Variants in STK33 observed in about 807,000 individuals in gnomAD.
The protein encoded by STK33 is serine/threonine-protein kinase 33.
A neutral mutation model predicts 58.0 loss-of-function variants in STK33; 52 were observed. The observed-to-expected ratio is 0.90, with a 90% CI of 0.72 to 1.13. STK33 has a LOEUF of 1.13. STK33 is among the 50% of genes most tolerant of loss of function. The probability of loss-of-function intolerance (pLI) is 0.00; values close to 1 mark genes in which losing one functional copy is unlikely to be tolerated. For synonymous variants in STK33, 215 were observed against 200.1 expected (o/e 1.07, Z -0.63); for missense variants, 630 against 604.2 (o/e 1.04, Z -0.45).
chr11:8,518,004 C>T (rs537768997), intron 1 of STK33, among the ~76,000 whole-genome samples: 252 of 152,180 alleles, frequency 1.7e-3, no homozygotes, highest in African/African-American at 5.2e-3. Context: ...CATAAAGATA[C>T]TCCTTGAGAA....
chr11:8,428,188 G>T (rs1405600503), intron 14 of STK33, among the ~76,000 whole-genome samples: 1 of 152,202 alleles, frequency 6.6e-6, no homozygotes, highest in Non-Finnish European at 1.5e-5. Flanking sequence ...AGGCCAAGAG[G>T]TAAGAAGTCA....
intron 1 of STK33, among the ~76,000 whole-genome samples, chr11:8,512,424 A>C (rs1952411303): frequency 6.6e-6 from 1 of 152,194 alleles, no homozygotes; most frequent in Non-Finnish European, 1.5e-5. Context: ...CTACTGGCTC[A>C]AAGAAGGGAG....
chr11:8,446,017 T>C (rs1290172968), intron 11 of STK33, among the ~76,000 whole-genome samples: 9 of 152,106 alleles, frequency 5.9e-5, no homozygotes, highest in African/African-American at 2.2e-4. Flanking sequence ...CTGGGCTTTT[T>C]TTGGTTGGTA....
chr11:8,426,962 A>C (rs915401184), intron 14 of STK33, among the ~76,000 whole-genome samples: 7 of 151,986 alleles, frequency 4.6e-5, no homozygotes, highest in African/African-American at 1.7e-4. Flanking sequence ...CCTCATGTGG[A>C]TATTATCATG....
chr11:8,496,118 G>C (rs1951040225), intron 1 of STK33, among the ~76,000 whole-genome samples: 1 of 148,870 alleles, frequency 6.7e-6, no homozygotes, highest in Non-Finnish European at 1.5e-5. Context: ...TTTTGAAAAA[G>C]AAAAGAAAAA....
intron 1 of STK33, among the ~76,000 whole-genome samples, chr11:8,505,297 A>G (rs2139258694): frequency 6.6e-6 from 1 of 152,314 alleles, no homozygotes; most frequent in Non-Finnish European, 1.5e-5. Context: ...TTAAAAATTG[A>G]TATTTTTCAT....
At chr11:8,397,130 G>A (rs918376385) in intron 15 of STK33, among the ~76,000 whole-genome samples, 3 of 152,210 alleles carry the variant, frequency 2.0e-5, no homozygotes, top group Non-Finnish European at 4.4e-5. Context: ...CTCCCAGCAC[G>A]CAGCTGGACA....
the STK33 span, among the ~76,000 whole-genome samples, chr11:8,336,828 G>A: frequency 6.6e-5 from 10 of 152,250 alleles, no homozygotes; most frequent in African/African-American, 1.9e-4. Flanking sequence ...TGTGGGGCCC[G>A]CGGGCTGCAA....
At chr11:8,584,715 G>A (rs2031164661) in intron 1 of STK33, among the ~76,000 whole-genome samples, 2 of 152,086 alleles carry the variant, frequency 1.3e-5, no homozygotes, top group Admixed American at 1.3e-4. Context: ...GGTCTTTTCT[G>A]TTACCAAGTG....
chr11:8,404,180 C>T (rs1402920398), intron 15 of STK33, among the ~76,000 whole-genome samples: 2 of 152,188 alleles, frequency 1.3e-5, no homozygotes, highest in South Asian at 2.1e-4. Context: ...AATATATAGA[C>T]TTCTAAGGTT....
At chr11:8,534,564 CTCTCTGTGTGTGTGTGTGTG>C in intron 1 of STK33, among the ~76,000 whole-genome samples, 1 of 118,480 alleles carries the variant, frequency 8.4e-6, no homozygotes, top group African/African-American at 3.8e-5. Context: ...CTCTCTCTCT[CTCTCTGTGTGTGTGTGTGTG>C]TGTGTGTGTG....
At chr11:8,591,122 G>GA (rs2032527383) in intron 1 of STK33, among the ~76,000 whole-genome samples, 1 of 152,184 alleles carries the variant, frequency 6.6e-6, no homozygotes, top group African/African-American at 2.4e-5. Flanking sequence ...GTCAATGGTT[G>GA]AAACAGCCAT....
intron 14 of STK33, among the ~76,000 whole-genome samples, chr11:8,418,280 C>A (rs1941412842): frequency 6.6e-6 from 1 of 151,620 alleles, no homozygotes; most frequent in Non-Finnish European, 1.5e-5. Flanking sequence ...TCTGTTGTTC[C>A]CCTCTTTGTG....
Position 8,452,924 on chromosome 11 carries a change from A to G in STK33, c.787-18T>C, listed in dbSNP as rs1208382034. 6.2e-7 allele frequency: 1 copy of G among 1,608,280 alleles called. No individual in the cohort carries two copies. The highest frequency in any genetic ancestry group is 8.5e-7 in the Non-Finnish European group (1 of 1,174,890). ...TCAGTCACCTGGGAGAAGAAATTCA[A>G]GCACAGTCACCTGTTTTCCTGTCCT... On this transcript the variant is annotated intron_variant, in intron 10 of 15. Coordinates refer to ENST00000687296, the MANE Select transcript of STK33 (RefSeq NM_001352389.2).
At chr11:8,450,313 ACCAAACACT>A in intron 11 of STK33, among the ~76,000 whole-genome samples, 1 of 152,090 alleles carries the variant, frequency 6.6e-6, no homozygotes, top group Admixed American at 6.5e-5. Context: ...GGAACATAAA[ACCAAACACT>A]CCATGTTCTC....
In STK33 at chr11:8,523,540, G is replaced by A. The variant is rs570492907; in HGVS notation, c.-465-42926C>T. 3.5e-3 allele frequency among the ~76,000 whole-genome samples: 531 copies of A among 151,888 alleles called. 3 individuals are homozygous for A. The highest frequency in any genetic ancestry group is 0.012 in the African/African-American group (503 of 41,380). ...TGGGCAGCCGCCCCGTCTGGGAAGC[G>A]AGGAGCCCCTCCACCCGGCAGCCGC... On this transcript the variant is annotated intron_variant, in intron 1 of 15. Transcript: ENST00000687296.
intron 1 of STK33, among the ~76,000 whole-genome samples, chr11:8,592,209 C>A (rs1189587981): frequency 6.6e-6 from 1 of 152,136 alleles, no homozygotes; most frequent in African/African-American, 2.4e-5. Context: ...TCGCCCCAGG[C>A]TCCAGGGATA....
In STK33 at chr11:8,546,213, T is replaced by C. The variant is rs538918514; in HGVS notation, c.-466+47870A>G. 3.5e-4 allele frequency among the ~76,000 whole-genome samples: 54 copies of C among 152,334 alleles called. 1 individual carries two copies. Among genetic ancestry groups the C allele is most frequent in the African/African-American group, 1.2e-3 (51 of 41,572 alleles). ...GGCACAGGTCATTATTGCATACTACTGTACACTGTGCAAATACTTGTACAC... is the reference window on the plus strand; with the variant it reads ...GGCACAGGTCATTATTGCATACTACCGTACACTGTGCAAATACTTGTACAC... On this transcript the variant is annotated intron_variant, in intron 1 of 15. Transcript: ENST00000687296.
intron 14 of STK33, among the ~76,000 whole-genome samples, chr11:8,433,287 A>C (rs1943634715): frequency 6.6e-6 from 1 of 152,230 alleles, no homozygotes; most frequent in Non-Finnish European, 1.5e-5. Context: ...AATGATTAGA[A>C]ATTGCCAAAG....
Sources: gnomAD v4.1 joint callset for allele counts (sites outside exome capture counted in the v4.1 genomes callset) on GRCh38, gnomAD v4.1.1 for gene constraint, MANE v1.5 for transcripts, NCBI Gene and HGNC (gene_info 2026-07-23, HGNC 2026-07-21) for gene names.